Variants in PDE8B observed in about 807,000 individuals in gnomAD.
PDE8B encodes the protein phosphodiesterase 8B.
In PDE8B, 26 loss-of-function variants were observed where a neutral mutation model predicts 101.3. The ratio of observed to expected loss-of-function variants is 0.26; its 90% CI spans 0.19 to 0.36. PDE8B has a LOEUF of 0.36. PDE8B is among the 10% of genes least tolerant of loss of function. The pLI is 1.00. For synonymous variants in PDE8B, 424 were observed against 429.3 expected, an observed-to-expected ratio of 0.99 and a Z score of 0.15; for missense variants, 810 against 1,163.1, an observed-to-expected ratio of 0.70 and a Z score of 4.42.
At chr5:77,292,839 T>A (rs1767676472) in intron 1 of PDE8B, among the ~76,000 whole-genome samples, 1 of 152,232 alleles carries the variant, frequency 6.6e-6, no homozygotes, top group African/African-American at 2.4e-5. Flanking sequence ...TTATGCTTTT[T>A]AATATGTTTT....
intron 10 of PDE8B, among the ~76,000 whole-genome samples, chr5:77,385,978 G>T (rs751765872): frequency 6.6e-6 from 1 of 151,886 alleles, no homozygotes; most frequent in Non-Finnish European, 1.5e-5. Context: ...TAGTAGAGAC[G>T]GGGTTTCACT....
chr5:77,356,426 C>CTTGTT (rs979215094), intron 10 of PDE8B, among the ~76,000 whole-genome samples: 21 of 152,068 alleles, frequency 1.4e-4, no homozygotes, highest in African/African-American at 3.1e-4. Context: ...GCTCTTGTGT[C>CTTGTT]TTGTTTTGTT....
intron 1 of PDE8B, among the ~76,000 whole-genome samples, chr5:77,253,172 A>G (rs189358331): frequency 6.6e-6 from 1 of 152,274 alleles, no homozygotes; most frequent in Admixed American, 6.5e-5. Flanking sequence ...TTAATACATG[A>G]ATATATTGGT....
intron 11 of PDE8B, among the ~76,000 whole-genome samples, chr5:77,403,931 G>A (rs1162516211): frequency 2.6e-5 from 4 of 152,012 alleles, no homozygotes; most frequent in Non-Finnish European, 5.9e-5. Flanking sequence ...CGATCCTCCT[G>A]CCTCAGCCTC....
chr5:77,328,938 A>T, intron 3 of PDE8B, 60 bp from the exon 4 acceptor site: 7 of 1,286,264 alleles, frequency 5.4e-6, no homozygotes, highest in Non-Finnish European at 6.8e-6. Context: ...GAAGTTCCAC[A>T]TTCATTTAAT....
chr5:77,200,551 A>C, the PDE8B span, among the ~76,000 whole-genome samples: 1 of 142,754 alleles, frequency 7.0e-6, no homozygotes, highest in African/African-American at 2.5e-5. Flanking sequence ...TCACAGGTGA[A>C]GGGCTTTTTT....
In PDE8B at chr5:77,340,528, A is replaced by G. The variant is rs576135751; in HGVS notation, c.797+3213A>G. 4.0e-4 allele frequency among the ~76,000 whole-genome samples: 60 copies of G among 151,602 alleles called. No individual in the cohort carries two copies. The East Asian group carries it at 4.3e-3, about 11-fold the overall frequency. On this transcript the variant is annotated intron_variant, in intron 6 of 21. Transcript: ENST00000264917. ...ATCCCAGACTCCTGCTGGTATGTGG[A>G]CTTGTGTTCAGAATCTTTTCCCTAC...
At chr5:77,246,639 T>C (rs1253769756) in intron 1 of PDE8B, 1 of 152,250 alleles carries the variant, frequency 6.6e-6, no homozygotes, top group South Asian at 2.1e-4. Context: ...TTGTCTATGA[T>C]AGCAGTCACA....
the PDE8B span, among the ~76,000 whole-genome samples, chr5:77,189,390 C>T: frequency 2.0e-5 from 3 of 152,022 alleles, no homozygotes; most frequent in African/African-American, 7.2e-5. Flanking sequence ...ATGCAAGTGT[C>T]AGATGTGGTG....
the PDE8B span, among the ~76,000 whole-genome samples, chr5:77,167,359 C>T: frequency 6.6e-6 from 1 of 152,186 alleles, no homozygotes; most frequent in African/African-American, 2.4e-5. Context: ...GTGCTTAACA[C>T]TTTGAGAAAA....
chr5:77,096,837 TTAGGACCCACCC>T, the PDE8B span, among the ~76,000 whole-genome samples: 1 of 152,166 alleles, frequency 6.6e-6, no homozygotes, highest in South Asian at 2.1e-4. Context: ...TTATATTGGA[TTAGGACCCACCC>T]TAATGGGTGT....
chr5:77,091,577 G>T, the PDE8B span, among the ~76,000 whole-genome samples: 2,200 of 152,180 alleles, frequency 0.014, 53 homozygotes, highest in African/African-American at 0.05. Flanking sequence ...GGAGGCGGAG[G>T]TTGCAGCGAG....
chr5:77,265,086 T>C (rs984016015), intron 1 of PDE8B, among the ~76,000 whole-genome samples: 2 of 152,208 alleles, frequency 1.3e-5, no homozygotes, highest in African/African-American at 4.8e-5. Context: ...CCTTGTAAGA[T>C]GTTTTGAGTG....
the PDE8B span, among the ~76,000 whole-genome samples, chr5:77,121,110 C>T: frequency 6.6e-6 from 1 of 152,236 alleles, no homozygotes; most frequent in Non-Finnish European, 1.5e-5. Flanking sequence ...AGCTATTCTC[C>T]ACAATTCCTG....
At chr5:77,409,506 T>A (rs1362030269) in intron 14 of PDE8B, among the ~76,000 whole-genome samples, 1 of 152,162 alleles carries the variant, frequency 6.6e-6, no homozygotes, top group Non-Finnish European at 1.5e-5. Flanking sequence ...TATTTAAAGT[T>A]TGTATAGAAG....
At chr5:77,371,724 A>G (rs911979880) in intron 10 of PDE8B, among the ~76,000 whole-genome samples, 1 of 152,226 alleles carries the variant, frequency 6.6e-6, no homozygotes, top group Non-Finnish European at 1.5e-5. Context: ...GATATGGGGT[A>G]GTTTTATGTT....
At chr5:77,200,362 G>GTT in the PDE8B span, among the ~76,000 whole-genome samples, 1 of 152,178 alleles carries the variant, frequency 6.6e-6, no homozygotes, top group African/African-American at 2.4e-5. Flanking sequence ...TTGCTGGTGT[G>GTT]TATTTAAACA....
At chr5:77,420,165 G>A (rs2151174441) in intron 19 of PDE8B, among the ~76,000 whole-genome samples, 1 of 152,292 alleles carries the variant, frequency 6.6e-6, no homozygotes, top group South Asian at 2.1e-4. Context: ...CAGACGAACA[G>A]AGACTGGCAT....
chr5:77,408,842 G>A (rs1471158977), intron 13 of PDE8B, 51 bp from the exon 14 acceptor site: 2 of 1,443,838 alleles, frequency 1.4e-6, no homozygotes, highest in Admixed American at 1.7e-5. Context: ...TATGACTTTT[G>A]GGAAGTAGAA....
Sources: gnomAD v4.1 joint callset for allele counts (sites outside exome capture counted in the v4.1 genomes callset) on GRCh38, gnomAD v4.1.1 for gene constraint, MANE v1.5 for transcripts, NCBI Gene and HGNC (gene_info 2026-07-23, HGNC 2026-07-21) for gene names.